Variants in HSD17B12 observed in about 807,000 individuals in gnomAD.
The protein encoded by HSD17B12 is hydroxysteroid 17-beta dehydrogenase 12, also known as very-long-chain 3-oxoacyl-CoA reductase.
HSD17B12 carries 32 observed loss-of-function variants against 39.3 expected under a neutral mutation model. The ratio of observed to expected loss-of-function variants is 0.81; its 90% CI spans 0.61 to 1.09. The LOEUF is 1.09. Among genes scored for constraint, HSD17B12 ranks in the 50% least tolerant of loss-of-function variants. HSD17B12 has a pLI of 0.00. For synonymous variants in HSD17B12, 150 were observed against 146.7 expected, an observed-to-expected ratio of 1.02 and a Z score of -0.16; for missense variants, 342 against 382.9, an observed-to-expected ratio of 0.89 and a Z score of 0.89.
chr11:43,624,058 AAAAAAAAATCTTCTACCT>A, the HSD17B12 span, among the ~76,000 whole-genome samples: 1 of 83,556 alleles, frequency 1.2e-5, no homozygotes, highest in Non-Finnish European at 2.8e-5. Context: ...AATTCAAAGG[AAAAAAAAATCTTCTACCT>A]AAAAAGAAGA....
chr11:43,582,989 G>C, the HSD17B12 span, among the ~76,000 whole-genome samples: 1 of 152,208 alleles, frequency 6.6e-6, no homozygotes, highest in Admixed American at 6.5e-5. Context: ...TCTGTGGAGC[G>C]ATAGCTTTGC....
At chr11:43,701,211 A>T (rs970979555) in intron 1 of HSD17B12, among the ~76,000 whole-genome samples, 1 of 152,006 alleles carries the variant, frequency 6.6e-6, no homozygotes, top group Non-Finnish European at 1.5e-5. Flanking sequence ...AGAGTTGTTT[A>T]GGCTCCTTAT....
At chr11:43,663,027 T>C in the HSD17B12 span, among the ~76,000 whole-genome samples, 27 of 152,178 alleles carry the variant, frequency 1.8e-4, no homozygotes, top group Admixed American at 1.8e-3. Flanking sequence ...AAAGGACTAT[T>C]AAAGTAATTA....
the HSD17B12 span, among the ~76,000 whole-genome samples, chr11:43,565,925 C>T: frequency 6.7e-6 from 1 of 149,538 alleles, no homozygotes; most frequent in African/African-American, 2.4e-5. Flanking sequence ...ACAAGGTGTG[C>T]CCCACTGCTC....
the HSD17B12 span, among the ~76,000 whole-genome samples, chr11:43,662,627 G>A: frequency 1.3e-5 from 2 of 152,086 alleles, no homozygotes; most frequent in Non-Finnish European, 2.9e-5. Context: ...CAAGGGCAAA[G>A]TTGTAATTGT....
chr11:43,680,541 G>A, upstream of HSD17B12: 1 of 468,686 alleles, frequency 2.1e-6, no homozygotes, highest in Non-Finnish European at 3.9e-6. Context: ...GCCTCGGTGG[G>A]GTGAGACAGG....
At chr11:43,584,868 G>A in the HSD17B12 span, among the ~76,000 whole-genome samples, 3 of 152,178 alleles carry the variant, frequency 2.0e-5, no homozygotes, top group African/African-American at 7.2e-5. Context: ...AGTACCTACC[G>A]CATAAGGCAT....
At chr11:43,616,865 G>A in the HSD17B12 span, among the ~76,000 whole-genome samples, 12 of 147,236 alleles carry the variant, frequency 8.2e-5, no homozygotes, top group South Asian at 1.9e-3. Context: ...CCAGCTACTC[G>A]AGAGGCTGAG....
chr11:43,691,782 C>T (rs898939136), intron 1 of HSD17B12, among the ~76,000 whole-genome samples: 7 of 152,200 alleles, frequency 4.6e-5, no homozygotes, highest in Non-Finnish European at 8.8e-5. Context: ...TCCTGGATGA[C>T]GTCCTGTGTC....
At chr11:43,686,832 T>C (rs909597322) in intron 1 of HSD17B12, among the ~76,000 whole-genome samples, 2 of 152,198 alleles carry the variant, frequency 1.3e-5, no homozygotes, top group Non-Finnish European at 2.9e-5. Context: ...CACTGTGCTC[T>C]GATTACCTGA....
chr11:43,662,521 CA>C, the HSD17B12 span, among the ~76,000 whole-genome samples: 636 of 103,924 alleles, frequency 6.1e-3, 3 homozygotes, highest in East Asian at 0.037. Flanking sequence ...GGCCACATCT[CA>C]AAAAAAAAAA....
chr11:43,650,098 G>A, the HSD17B12 span, among the ~76,000 whole-genome samples: 1 of 152,146 alleles, frequency 6.6e-6, no homozygotes, highest in Non-Finnish European at 1.5e-5. Flanking sequence ...AAAATGGTTT[G>A]TTTTAAGCTT....
At chr11:43,709,001 G>A (rs771119604) in intron 1 of HSD17B12, among the ~76,000 whole-genome samples, 6 of 152,214 alleles carry the variant, frequency 3.9e-5, no homozygotes, top group Non-Finnish European at 7.3e-5. Context: ...ACACAGGGCA[G>A]TGAAATAGCT....
At chr11:43,703,050 G>A (rs772266562) in intron 1 of HSD17B12, among the ~76,000 whole-genome samples, 9 of 151,916 alleles carry the variant, frequency 5.9e-5, no homozygotes, top group Non-Finnish European at 1.2e-4. Context: ...TTTGTTTGAT[G>A]TACCTCTGTC....
At chr11:43,730,542 T>C (rs1950258807) in intron 1 of HSD17B12, among the ~76,000 whole-genome samples, 1 of 152,228 alleles carries the variant, frequency 6.6e-6, no homozygotes, top group Admixed American at 6.5e-5. Context: ...TGAGAATAAA[T>C]GAGCATTCTT....
At chr11:43,778,517 G>T (rs1302659110) in intron 3 of HSD17B12, among the ~76,000 whole-genome samples, 2 of 151,222 alleles carry the variant, frequency 1.3e-5, no homozygotes, top group Non-Finnish European at 2.9e-5. Context: ...CCAAAGCCGG[G>T]CAGAGACACA....
At chr11:43,782,086 A>C (rs1004770684) in intron 3 of HSD17B12, among the ~76,000 whole-genome samples, 2 of 152,248 alleles carry the variant, frequency 1.3e-5, no homozygotes, top group Admixed American at 6.5e-5. Context: ...GGAGTTGCTT[A>C]TATATCATTA....
chr11:43,579,844 C>G, the HSD17B12 span, among the ~76,000 whole-genome samples: 90 of 151,966 alleles, frequency 5.9e-4, no homozygotes, highest in African/African-American at 2.1e-3. Flanking sequence ...GACGTTTTCT[C>G]CGGGCGTGCT....
intron 3 of HSD17B12, among the ~76,000 whole-genome samples, chr11:43,771,642 T>C (rs1432304649): frequency 6.6e-6 from 1 of 151,856 alleles, no homozygotes; most frequent in Non-Finnish European, 1.5e-5. Context: ...AATTTTTGTA[T>C]TTTTAGTAGA....
Sources: allele counts gnomAD v4.1 joint callset (sites outside exome capture counted in the v4.1 genomes callset), GRCh38; gene constraint gnomAD v4.1.1; transcripts MANE v1.5; gene names NCBI Gene and HGNC (gene_info 2026-07-23, HGNC 2026-07-21).